The following KHDRBS2 variants were observed in gnomAD, a reference collection of about 807,000 sequenced individuals.
KHDRBS2 encodes KH RNA binding domain containing, signal transduction associated 2.
Under a neutral mutation model 44.3 loss-of-function variants are expected in KHDRBS2, and 26 were observed. The ratio of observed to expected loss-of-function variants is 0.59; its 90% CI spans 0.43 to 0.81. The LOEUF is 0.81. Ranked by LOEUF, KHDRBS2 falls within the 40% of genes least tolerant of loss-of-function variation. KHDRBS2 has a pLI of 0.00. For missense variants in KHDRBS2, 476 were observed against 433.1 expected (o/e 1.10, Z -0.88); for synonymous variants, 194 against 151.1 (o/e 1.28, Z -2.08).
chr6:62,167,425 G>A lies in KHDRBS2; in HGVS notation c.219+9760C>T, dbSNP rs377389286. Among the ~76,000 whole-genome samples, 336 of 152,170 alleles carry A rather than the reference G, an allele frequency of 2.2e-3. 1 individual carries two copies. The highest frequency in any genetic ancestry group is 7.8e-3 in the African/African-American group (325 of 41,540). ...TACATGGGTTGGGCATTAATTAAAA[G>A]GATGGGTAATCAGAAAAGACAAATT... On this transcript the variant is annotated intron_variant, in intron 2 of 8. Coordinates refer to ENST00000281156, the MANE Select transcript of KHDRBS2 (RefSeq NM_152688.4).
chr6:61,905,790 G>A (rs1247953082), intron 4 of KHDRBS2, among the ~76,000 whole-genome samples: 1 of 150,356 alleles, frequency 6.7e-6, no homozygotes, highest in African/African-American at 2.5e-5. Context: ...CAAAACATAT[G>A]TGCCACATTA....
At chr6:61,663,499 C>A in the KHDRBS2 span, among the ~76,000 whole-genome samples, 5 of 5,624 alleles carry the variant, frequency 8.9e-4, no homozygotes, top group African/African-American at 1.4e-3. Context: ...GCATGAGACA[C>A]CATATATATA....
intron 1 of KHDRBS2, among the ~76,000 whole-genome samples, chr6:62,227,507 C>T (rs945509736): frequency 6.6e-6 from 1 of 152,058 alleles, no homozygotes; most frequent in African/African-American, 2.4e-5. Context: ...TATTTGAATG[C>T]CAATTATTTC....
intron 2 of KHDRBS2, among the ~76,000 whole-genome samples, chr6:62,063,456 G>T (rs998052052): frequency 6.6e-6 from 1 of 150,968 alleles, no homozygotes; most frequent in Admixed American, 6.6e-5. Context: ...TCATCCCTGG[G>T]ATGCAAGGCT....
At chr6:61,684,566 T>C (rs567038351) in intron 8 of KHDRBS2, among the ~76,000 whole-genome samples, 2 of 151,986 alleles carry the variant, frequency 1.3e-5, no homozygotes, top group South Asian at 2.1e-4. Context: ...TGGTCTAAGA[T>C]GTCATTTAAA....
intron 2 of KHDRBS2, among the ~76,000 whole-genome samples, chr6:62,176,976 GAACA>G (rs1237402961): frequency 2.6e-5 from 4 of 151,224 alleles, no homozygotes; most frequent in African/African-American, 7.3e-5. Flanking sequence ...TACATTCACA[GAACA>G]AAAATGCTGT....
At chr6:62,194,134 G>C (rs549471834) in intron 1 of KHDRBS2, among the ~76,000 whole-genome samples, 1 of 152,024 alleles carries the variant, frequency 6.6e-6, no homozygotes, top group Admixed American at 6.6e-5. Context: ...TCATATCTAA[G>C]AAACCACTGC....
chr6:62,054,399 A>T (rs1381580904), intron 2 of KHDRBS2, among the ~76,000 whole-genome samples: 2 of 152,098 alleles, frequency 1.3e-5, no homozygotes, highest in African/African-American at 2.4e-5. Flanking sequence ...GACATTTGAC[A>T]GAGGTAGTGT....
At chr6:61,767,199 T>C (rs1328182876) in intron 6 of KHDRBS2, among the ~76,000 whole-genome samples, 1 of 152,128 alleles carries the variant, frequency 6.6e-6, no homozygotes, top group African/African-American at 2.4e-5. Flanking sequence ...ACTTTATCAT[T>C]ACATAATGAT....
intron 5 of KHDRBS2, among the ~76,000 whole-genome samples, chr6:61,899,859 G>C (rs1050547844): frequency 1.5e-4 from 23 of 150,916 alleles, no homozygotes; most frequent in Admixed American, 1.5e-3. Context: ...TACAAAAGTT[G>C]CAATTTCATA....
At chr6:62,195,631 G>A (rs1369343882) in intron 1 of KHDRBS2, among the ~76,000 whole-genome samples, 2 of 152,008 alleles carry the variant, frequency 1.3e-5, no homozygotes, top group Admixed American at 1.3e-4. Flanking sequence ...ACTCTTTTCT[G>A]AGCTAAGGAA....
the KHDRBS2 span, among the ~76,000 whole-genome samples, chr6:61,599,138 G>T: frequency 6.6e-6 from 1 of 151,956 alleles, no homozygotes; most frequent in African/African-American, 2.4e-5. Context: ...GTTTCACCAT[G>T]TTGCCCAGGC....
At chr6:62,150,459 A>G (rs1814910428) in intron 2 of KHDRBS2, among the ~76,000 whole-genome samples, 1 of 152,186 alleles carries the variant, frequency 6.6e-6, no homozygotes, top group Admixed American at 6.5e-5. Context: ...CTGATCACTG[A>G]GGTTAGGAGG....
chr6:62,059,382 G>A (rs1004335441), intron 2 of KHDRBS2, among the ~76,000 whole-genome samples: 2 of 151,152 alleles, frequency 1.3e-5, no homozygotes, highest in African/African-American at 4.9e-5. Flanking sequence ...ATGAGAAGTT[G>A]TTTGGTGTAA....
chr6:62,268,667 T>A (rs1839593427), intron 1 of KHDRBS2, among the ~76,000 whole-genome samples: 1 of 152,058 alleles, frequency 6.6e-6, no homozygotes, highest in Non-Finnish European at 1.5e-5. Flanking sequence ...TGGAAATGTT[T>A]AACGTGTTAA....
At chr6:61,903,790 G>A (rs1804479913) in intron 4 of KHDRBS2, among the ~76,000 whole-genome samples, 2 of 152,238 alleles carry the variant, frequency 1.3e-5, no homozygotes, top group Non-Finnish European at 2.9e-5. Context: ...TGGTGAAGAA[G>A]GCTAGGCTAG....
At chr6:61,808,704 C>A (rs755151653) in intron 6 of KHDRBS2, among the ~76,000 whole-genome samples, 2 of 151,818 alleles carry the variant, frequency 1.3e-5, no homozygotes, top group African/African-American at 4.8e-5. Context: ...TCAATGACTG[C>A]AATTGTAACT....
Position 61,865,104 on chromosome 6 carries a change from T to A in KHDRBS2, c.810+29531A>T, listed in dbSNP as rs139198617. Among the ~76,000 whole-genome samples, 14 of 152,276 alleles carry A rather than the reference T, an allele frequency of 9.2e-5. No individual in the cohort carries two copies. In the East Asian group the frequency reaches 2.3e-3, roughly 25 times the overall value. On this transcript the variant is annotated intron_variant, in intron 6 of 8. Coordinates refer to ENST00000281156, the MANE Select transcript of KHDRBS2 (RefSeq NM_152688.4). The stretch of plus-strand genomic sequence containing the variant: ...TGCATTGTGAAGTTCTTGTAGTGTG[T>A]TTTTCGGCTCTGTCAGGTCAGTTAT...
At chr6:62,067,250 C>T (rs1793947668) in intron 2 of KHDRBS2, among the ~76,000 whole-genome samples, 2 of 151,558 alleles carry the variant, frequency 1.3e-5, no homozygotes, top group East Asian at 2.0e-4. Context: ...TTTCTTAATA[C>T]CCATTAAGTT....
Sources: gnomAD v4.1 joint callset for allele counts (sites outside exome capture counted in the v4.1 genomes callset) on GRCh38, gnomAD v4.1.1 for gene constraint, MANE v1.5 for transcripts, NCBI Gene and HGNC (gene_info 2026-07-23, HGNC 2026-07-21) for gene names.